EIF4G3: variants seen among roughly 807,000 people sequenced by gnomAD.
The protein encoded by EIF4G3 is eIF-4-gamma 3.
EIF4G3 carries 34 observed loss-of-function variants against 186.4 expected under a neutral mutation model. The ratio of observed to expected loss-of-function variants is 0.18; its 90% confidence interval spans 0.14 to 0.24. The LOEUF (loss-of-function observed/expected upper bound fraction) is 0.24. Among genes scored for constraint, EIF4G3 ranks in the 10% least tolerant of loss-of-function variants. EIF4G3 has a pLI of 1.00. For missense variants in EIF4G3, 1,536 were observed against 1,948.5 expected (o/e 0.79, Z 3.99); for synonymous variants, 673 against 679.5 (o/e 0.99, Z 0.15).
At chr1:20,964,261 T>C (rs1387103253) in intron 12 of EIF4G3, among the ~76,000 whole-genome samples, 1 of 152,196 alleles carries the variant, frequency 6.6e-6, no homozygotes, top group Non-Finnish European at 1.5e-5. Flanking sequence ...AAGAACTTAA[T>C]GTTCTGACCC....
At chr1:21,103,713 ATG>A (rs2096566579) in intron 2 of EIF4G3, among the ~76,000 whole-genome samples, 1 of 152,188 alleles carries the variant, frequency 6.6e-6, no homozygotes, top group East Asian at 1.9e-4. Context: ...GTGTGGTGGC[ATG>A]TGTCTGTAGT....
intron 4 of EIF4G3, among the ~76,000 whole-genome samples, chr1:21,026,054 C>T (rs1223371858): frequency 6.6e-6 from 1 of 152,194 alleles, no homozygotes; most frequent in East Asian, 1.9e-4. Context: ...AACTCCCCAT[C>T]CTGATATTCA....
At chr1:20,901,189 A>T (rs2090161939) in intron 15 of EIF4G3, among the ~76,000 whole-genome samples, 1 of 152,182 alleles carries the variant, frequency 6.6e-6, no homozygotes, top group Non-Finnish European at 1.5e-5. Flanking sequence ...ATTCCAAAAA[A>T]ATAAGTTTGG....
rs1251567992 is a variant in EIF4G3, at chr1:20,816,478, G to A, written c.4515+914C>T. Among the ~76,000 whole-genome samples, 38 of 101,014 alleles carry A rather than the reference G, an allele frequency of 3.8e-4. 1 individual carries two copies. Among genetic ancestry groups the A allele is most frequent in the African/African-American group, 1.1e-3 (28 of 26,344 alleles). The allele number at this position is 101,014 out of a possible 152,430, so 66.3% of individuals were successfully genotyped here. On this transcript the variant is annotated intron_variant, in intron 34 of 36. Coordinates refer to ENST00000602326, the MANE Select transcript of EIF4G3 (RefSeq NM_001391906.1). ...ACCCCTCTGCCCGGCCAGTCGCCCC[G>A]TCCGGGAGGGAGGTGGGGGGGTCAG...
chr1:21,125,537 G>A (rs968304005), intron 2 of EIF4G3, among the ~76,000 whole-genome samples: 8 of 151,968 alleles, frequency 5.3e-5, no homozygotes, highest in East Asian at 3.9e-4. Flanking sequence ...TGGCCAACAC[G>A]GTGAAACCCT....
chr1:21,056,005 T>A (rs554037464), intron 3 of EIF4G3, among the ~76,000 whole-genome samples: 1 of 152,114 alleles, frequency 6.6e-6, no homozygotes, highest in South Asian at 2.1e-4. Context: ...TATTGCCCCA[T>A]AAAACACAAA....
At chr1:21,174,340 A>T (rs2098056731) in intron 2 of EIF4G3, among the ~76,000 whole-genome samples, 1 of 152,220 alleles carries the variant, frequency 6.6e-6, no homozygotes, top group Non-Finnish European at 1.5e-5. Context: ...GCACTGAGAA[A>T]AAGCATACTT....
At chr1:21,118,406 T>C (rs535163350) in intron 2 of EIF4G3, among the ~76,000 whole-genome samples, 6 of 152,216 alleles carry the variant, frequency 3.9e-5, no homozygotes, top group African/African-American at 1.2e-4. Flanking sequence ...TGTGTAATTA[T>C]CTGTGAAGCT....
chr1:20,949,161 G>A (rs1432345676), intron 13 of EIF4G3, among the ~76,000 whole-genome samples: 3 of 151,932 alleles, frequency 2.0e-5, no homozygotes, highest in African/African-American at 2.4e-5. Context: ...TTGCTTCCCC[G>A]AACTATGTTT....
intron 17 of EIF4G3, among the ~76,000 whole-genome samples, chr1:20,894,726 C>A (rs567059505): frequency 2.7e-4 from 41 of 152,286 alleles, no homozygotes; most frequent in African/African-American, 9.9e-4. Flanking sequence ...AACAAAAATA[C>A]TTCAAGCTTA....
chr1:20,909,788 T>C (rs959995515), intron 14 of EIF4G3, among the ~76,000 whole-genome samples: 1 of 151,176 alleles, frequency 6.6e-6, no homozygotes, highest in Admixed American at 6.6e-5. Flanking sequence ...ATTTTTTTTT[T>C]TTTTTTTTTT....
intron 14 of EIF4G3, among the ~76,000 whole-genome samples, chr1:20,907,391 A>T (rs546179336): frequency 5.3e-5 from 8 of 152,180 alleles, no homozygotes; most frequent in South Asian, 4.1e-4. Flanking sequence ...ATTTTTTTTT[A>T]AATTTTATTA....
chr1:21,077,669 T>C (rs79211298), intron 3 of EIF4G3, among the ~76,000 whole-genome samples: 4,159 of 150,434 alleles, frequency 0.028, 87 homozygotes, highest in Non-Finnish European at 0.038. Flanking sequence ...TCACCTGAGG[T>C]TGGGAATTCG....
intron 36 of EIF4G3, among the ~76,000 whole-genome samples, chr1:20,807,788 C>T (rs1333553949): frequency 1.6e-5 from 1 of 64,048 alleles, no homozygotes; most frequent in Non-Finnish European, 2.9e-5. Flanking sequence ...TTTTGAGAGA[C>T]AATCTTGTTC....
At chr1:20,930,544 T>C (rs2095258654) in intron 14 of EIF4G3, among the ~76,000 whole-genome samples, 1 of 152,062 alleles carries the variant, frequency 6.6e-6, no homozygotes, top group Admixed American at 6.6e-5. Context: ...AGTAACTGAG[T>C]CACATTTTCA....
At chr1:21,063,876 A>AT (rs529362148) in intron 3 of EIF4G3, among the ~76,000 whole-genome samples, 47,616 of 136,284 alleles carry the variant, frequency 0.35, 8,407 homozygotes, top group African/African-American at 0.39. Context: ...CACCCAGCTA[A>AT]TTTTTTTTTT....
At chr1:20,913,012 G>T (rs192072410) in intron 14 of EIF4G3, among the ~76,000 whole-genome samples, 69 of 152,314 alleles carry the variant, frequency 4.5e-4, no homozygotes, top group African/African-American at 1.4e-3. Flanking sequence ...GATGAAATAT[G>T]TAAGAATGAT....
At chr1:21,038,755 G>T (rs1229460721) in intron 4 of EIF4G3, among the ~76,000 whole-genome samples, 2 of 152,050 alleles carry the variant, frequency 1.3e-5, no homozygotes, top group African/African-American at 4.8e-5. Flanking sequence ...CAGTTCTTGG[G>T]AGTGTCTATA....
intron 2 of EIF4G3, among the ~76,000 whole-genome samples, chr1:21,132,121 ATT>A (rs552031859): frequency 5.9e-4 from 90 of 152,322 alleles, no homozygotes; most frequent in Middle Eastern, 6.8e-3. Flanking sequence ...AAGTAAACAT[ATT>A]GTTAGATATT....
Sources: allele counts gnomAD v4.1 joint callset (sites outside exome capture counted in the v4.1 genomes callset), GRCh38; gene constraint gnomAD v4.1.1; transcripts MANE v1.5; gene names NCBI Gene and HGNC (gene_info 2026-07-23, HGNC 2026-07-21).